The following HECTD4 variants were observed in gnomAD, a reference collection of about 807,000 sequenced individuals.
The protein encoded by HECTD4 is HECT domain E3 ubiquitin protein ligase 4.
HECTD4 carries 114 observed loss-of-function variants against 471.5 expected under a neutral mutation model. That is an observed-to-expected ratio of 0.24 (90% CI 0.21 to 0.28). The LOEUF is 0.28. HECTD4 is among the 10% of genes least tolerant of loss of function. HECTD4 has a pLI of 1.00. For missense variants in HECTD4, 3,866 were observed against 5,651.5 expected (o/e 0.68, Z 10.13); for synonymous variants, 2,012 against 2,256.0 (o/e 0.89, Z 3.07).
rs1052272420 is a variant in HECTD4, at chr12:112,179,594, G to A, written c.10988-197C>T. 2.0e-5 allele frequency among the ~76,000 whole-genome samples: 3 copies of A among 152,204 alleles called. No individual in the cohort carries two copies. The highest frequency in any genetic ancestry group is 4.8e-5 in the African/African-American group (2 of 41,460). ...CCCAGCCTTCCTTGCCGTAAGGTGC[G>A]GCCCTGCAACCGTGGTCACTGTGGG... On this transcript the variant is annotated intron_variant, in intron 62 of 75. Coordinates refer to ENST00000682272, the MANE Select transcript of HECTD4 (RefSeq NM_001388303.1). The surrounding 1 kb of genome is among the most constrained non-coding windows in gnomAD (Gnocchi z 4.3).
At chr12:112,320,573 C>T (rs1368446721) in intron 1 of HECTD4, among the ~76,000 whole-genome samples, 1 of 151,844 alleles carries the variant, frequency 6.6e-6, no homozygotes, top group Non-Finnish European at 1.5e-5. Flanking sequence ...TGGTGGCCCA[C>T]GCCTGTAGTC....
At chr12:112,247,172 G>T in intron 28 of HECTD4, 96 bp from the exon 29 acceptor site, 2 of 1,011,088 alleles carry the variant, frequency 2.0e-6, no homozygotes, top group Non-Finnish European at 2.9e-6. Context: ...GAAGACACAG[G>T]GGAAACTAAG....
chr12:112,332,354 T>C (rs745514868), intron 1 of HECTD4, among the ~76,000 whole-genome samples: 7 of 151,798 alleles, frequency 4.6e-5, no homozygotes, highest in Non-Finnish European at 1.0e-4. Context: ...CCAACCAACA[T>C]GGTGAAACCC....
intron 64 of HECTD4, 29 bp downstream of exon 64, chr12:112,178,902 G>T: frequency 6.3e-7 from 1 of 1,586,434 alleles, no homozygotes. Context: ...CCCACAGGCT[G>T]GGCTGCCCAG....
At chr12:112,299,457 T>C (rs917605080) in intron 7 of HECTD4, among the ~76,000 whole-genome samples, 2 of 151,998 alleles carry the variant, frequency 1.3e-5, no homozygotes, top group Non-Finnish European at 2.9e-5. Context: ...CCCCCGTCTC[T>C]ACAAAAGATA....
At position 112,231,556 on chromosome 12, in the gene HECTD4, C is replaced by T; in HGVS notation, c.6157G>A (p.Ala2053Thr). Residue 2053 changes from alanine (A) to threonine (T), a missense_variant, in exon 39 of 76, where the codon GCC becomes ACC. Ala to Thr is a moderately conservative substitution (Grantham distance 58). Around this residue, in one of 16 missense-constraint regions of HECTD4, gnomAD observed 617 missense variants for 915.1 expected, o/e 0.67. Transcript: ENST00000682272. Reference protein sequence around the residue: ...GLSTGDKKKTAQTSICRERNS... With the variant: ...GLSTGDKKKTTQTSICRERNS... ...CTCTCTCGGCAAATGGAAGTTTGGGCAGTTTTCTTTTTGTCGCCTGTGGAT... is the reference window on the plus strand; with the variant it reads ...CTCTCTCGGCAAATGGAAGTTTGGGTAGTTTTCTTTTTGTCGCCTGTGGAT... The T allele has an allele frequency of 1.2e-6, 2 of 1,613,988 alleles. No individual in the cohort carries two copies. The highest frequency in any genetic ancestry group is 1.7e-6 in the Non-Finnish European group (2 of 1,179,890).
At chr12:112,343,163 A>G (rs2036082540) in intron 1 of HECTD4, among the ~76,000 whole-genome samples, 1 of 152,230 alleles carries the variant, frequency 6.6e-6, no homozygotes, top group South Asian at 2.1e-4. Context: ...TACCAAATAT[A>G]ACAGAAAATA....
chr12:112,179,515 G>T lies in HECTD4; in HGVS notation c.10988-118C>A. The stretch of plus-strand genomic sequence containing the variant: ...GGGCAGTGGATGGACATTAGTGGAA[G>T]GAAGAGCTGCCCACCAAAGCCTGGC... On this transcript the variant is annotated intron_variant, in intron 62 of 75. Transcript: ENST00000682272. The surrounding 1 kb of genome is among the most constrained non-coding windows in gnomAD (Gnocchi z 4.3). 1 of 911,614 alleles carries T rather than the reference G, an allele frequency of 1.1e-6. No homozygotes were observed. The highest frequency in any genetic ancestry group is 1.7e-6 in the Non-Finnish European group (1 of 590,540). 56.5% of individuals were successfully genotyped at this position (911,614 alleles called of 1,614,324 possible).
chr12:112,217,336 T>TACACACAC, intron 45 of HECTD4, 141 bp from the exon 46 acceptor site: 1 of 409,520 alleles, frequency 2.4e-6, no homozygotes, highest in African/African-American at 2.1e-5. Flanking sequence ...CACACACACA[T>TACACACAC]ACACACACAC....
At chr12:112,269,509 C>T (rs1566093761) in intron 13 of HECTD4, among the ~76,000 whole-genome samples, 195 bp downstream of exon 13, 1 of 152,154 alleles carries the variant, frequency 6.6e-6, no homozygotes, top group South Asian at 2.1e-4. Context: ...TAAGGAAATG[C>T]AGGTACACAG....
At chr12:112,280,817 C>T (rs1393853565) in intron 8 of HECTD4, among the ~76,000 whole-genome samples, 3 of 136,710 alleles carry the variant, frequency 2.2e-5, no homozygotes, top group Non-Finnish European at 3.1e-5. Context: ...GACTGAGTCT[C>T]ACTGTTGTCT....
rs543820685 is a variant in HECTD4 at position 112,301,331 on chromosome 12, C to A, written c.1335+4733G>T. Among the ~76,000 whole-genome samples the A allele has an allele frequency of 4.2e-4, 64 of 151,630 alleles. 1 individual carries two copies. In the South Asian group the frequency reaches 0.012, roughly 29 times the overall value. ...CCTAGTAGCTGGGCTTTACAGGTGC[C>A]CACCACCATGCCCAGCTAATTTTTG... On this transcript the variant is annotated intron_variant, in intron 7 of 75. Transcript: ENST00000682272.
At chr12:112,244,471 C>A (rs868545601) in intron 29 of HECTD4, among the ~76,000 whole-genome samples, 3 of 152,158 alleles carry the variant, frequency 2.0e-5, no homozygotes, top group Admixed American at 6.5e-5. Context: ...CAGGTTCAAG[C>A]AATTCTCCTA....
chr12:112,185,157 G>A lies in HECTD4; in HGVS notation c.9809C>T (p.Pro3270Leu). Reference sequence around the variant, plus strand: ...ACTGGCTGTGACACTCATGTTAGTAGGCAGGGTCACTTCGGCCACAGCCAG... The same window carrying A: ...ACTGGCTGTGACACTCATGTTAGTAAGCAGGGTCACTTCGGCCACAGCCAG... ...GCLAVAEVTL[P>L]TNMSVTASGV... is the part of the protein sequence containing the mutation. The change falls in exon 61 of 76, where the codon CCT becomes CTT. Residue 3270 changes from proline (P) to leucine (L), a missense_variant. By Grantham distance (98) the Pro-to-Leu change is moderately conservative. Transcript: ENST00000682272. The A allele has an allele frequency of 6.4e-7, 1 of 1,552,722 alleles. No homozygotes were observed. Among genetic ancestry groups the A allele is most frequent in the Non-Finnish European group, 8.7e-7 (1 of 1,147,530 alleles).
At chr12:112,301,745 T>A (rs1194480617) in intron 7 of HECTD4, 5 of 461,278 alleles carry the variant, frequency 1.1e-5, no homozygotes, top group African/African-American at 7.8e-5. Flanking sequence ...TCTTCACATA[T>A]CTCACAGAGC....
At chr12:112,206,959 T>C (rs2032605216) in intron 52 of HECTD4, among the ~76,000 whole-genome samples, 1 of 152,126 alleles carries the variant, frequency 6.6e-6, no homozygotes, top group South Asian at 2.1e-4. Flanking sequence ...AAGGGTGCTG[T>C]GATTAGAGAC....
intron 17 of HECTD4, among the ~76,000 whole-genome samples, chr12:112,263,097 AAAG>A (rs2034186434): frequency 6.6e-6 from 1 of 152,342 alleles, no homozygotes; most frequent in East Asian, 1.9e-4. Context: ...GCAACTTTAC[AAAG>A]AAGATGTTAT....
chr12:112,285,400 G>C (rs560071949), intron 7 of HECTD4, among the ~76,000 whole-genome samples: 1 of 152,154 alleles, frequency 6.6e-6, no homozygotes, highest in Admixed American at 6.5e-5. Flanking sequence ...CCCACTCAAA[G>C]AGGTCTGCCC....
chr12:112,174,773 A>G (rs2031372848), intron 66 of HECTD4, among the ~76,000 whole-genome samples: 1 of 151,932 alleles, frequency 6.6e-6, no homozygotes, highest in South Asian at 2.1e-4. Flanking sequence ...CATATTGGCC[A>G]GGCTGGTCTC....
Sources: gnomAD v4.1 joint callset for allele counts (sites outside exome capture counted in the v4.1 genomes callset) on GRCh38, gnomAD v4.1.1 for gene constraint, gnomAD v4.1.1 regional missense constraint, Gnocchi (gnomAD v3.1) non-coding constraint, MANE v1.5 for transcripts, NCBI Gene and HGNC (gene_info 2026-07-23, HGNC 2026-07-21) for gene names.